STK32B: variants seen among roughly 807,000 people sequenced by gnomAD.
STK32B encodes serine/threonine kinase 32B.
STK32B carries 43 observed loss-of-function variants against 52.6 expected under a neutral mutation model. The ratio of observed to expected loss-of-function variants is 0.82; its 90% CI spans 0.64 to 1.05. STK32B has a LOEUF of 1.05. Ranked by LOEUF, STK32B falls within the 50% of genes least tolerant of loss-of-function variation. The pLI, the probability that STK32B is intolerant of heterozygous loss-of-function variation, is 0.00. For synonymous variants in STK32B, 238 were observed against 204.3 expected (o/e 1.17, Z -1.41); for missense variants, 621 against 534.6 (o/e 1.16, Z -1.59).
At chr4:5,462,495 T>G (rs1226133652) in intron 9 of STK32B, among the ~76,000 whole-genome samples, 1 of 152,062 alleles carries the variant, frequency 6.6e-6, no homozygotes, top group Non-Finnish European at 1.5e-5. Context: ...GCAGTCTGCA[T>G]CCCATTTCCC....
intron 3 of STK32B, among the ~76,000 whole-genome samples, chr4:5,175,810 C>G (rs1368361082): frequency 6.6e-6 from 1 of 152,214 alleles, no homozygotes; most frequent in African/African-American, 2.4e-5. Flanking sequence ...GCTGGGAGAA[C>G]CACTACTCTG....
intron 6 of STK32B, among the ~76,000 whole-genome samples, chr4:5,437,365 T>C (rs1714177091): frequency 1.3e-5 from 2 of 152,244 alleles, no homozygotes; most frequent in South Asian, 4.1e-4. Context: ...GGATTCTTTC[T>C]GCCTCTTTGA....
At chr4:5,198,933 G>A (rs545938033) in intron 3 of STK32B, among the ~76,000 whole-genome samples, 21 of 149,962 alleles carry the variant, frequency 1.4e-4, no homozygotes, top group Non-Finnish European at 2.5e-4. Context: ...TCCTAATTAT[G>A]TACTTTTGTA....
At chr4:5,252,142 A>T (rs1309705662) in intron 3 of STK32B, among the ~76,000 whole-genome samples, 1 of 152,218 alleles carries the variant, frequency 6.6e-6, no homozygotes, top group African/African-American at 2.4e-5. Context: ...AAATTTAAAA[A>T]GAGTAGTTTC....
Position 5,456,787 on chromosome 4 carries a change from CTGT to C in STK32B, c.667-15_667-13del, listed in dbSNP as rs765589104. 1.0e-5 allele frequency: 16 copies of C among 1,549,132 alleles called. No homozygotes were observed. The highest frequency in any genetic ancestry group is 9.1e-5 in the Admixed American group (5 of 55,028). Reference sequence around the variant, plus strand: ...CCAATGGCTCTCTCTCTGATTCTGGCTGTTGTTCTTTGATTGCAGAGGCCGTAC... The same window carrying C: ...CCAATGGCTCTCTCTCTGATTCTGGCTGTTCTTTGATTGCAGAGGCCGTAC... On this transcript the variant is annotated splice_polypyrimidine_tract_variant and intron_variant, in intron 7 of 11. Transcript: ENST00000282908.
At chr4:5,274,484 G>A (rs985397142) in intron 3 of STK32B, among the ~76,000 whole-genome samples, 1 of 151,560 alleles carries the variant, frequency 6.6e-6, no homozygotes, top group South Asian at 2.1e-4. Flanking sequence ...GCCTAACTGG[G>A]AAGGTGACCA....
At chr4:5,475,904 A>T (rs1370533348) in intron 11 of STK32B, among the ~76,000 whole-genome samples, 2 of 151,830 alleles carry the variant, frequency 1.3e-5, no homozygotes, top group African/African-American at 2.4e-5. Flanking sequence ...TTGTTTTTTT[A>T]AATTTTTTTG....
intron 11 of STK32B, among the ~76,000 whole-genome samples, chr4:5,484,988 G>A (rs185009570): frequency 1.5e-3 from 224 of 152,212 alleles, no homozygotes; most frequent in African/African-American, 5.1e-3. Flanking sequence ...CCCTTTGTGG[G>A]TAACCCGACC....
intron 6 of STK32B, chr4:5,436,756 A>G (rs1714117509): frequency 1.2e-6 from 1 of 837,628 alleles, no homozygotes; most frequent in South Asian, 5.4e-5. Flanking sequence ...GTCAGGACCA[A>G]GAATTCTAGA....
chr4:5,091,838 G>T (rs1713094852), intron 1 of STK32B, among the ~76,000 whole-genome samples: 1 of 152,192 alleles, frequency 6.6e-6, no homozygotes. Flanking sequence ...ACATAATGTG[G>T]TGTATCCTTA....
At chr4:5,080,628 C>G (rs1712360064) in intron 1 of STK32B, among the ~76,000 whole-genome samples, 1 of 152,060 alleles carries the variant, frequency 6.6e-6, no homozygotes, top group African/African-American at 2.4e-5. Flanking sequence ...TATTATAAGG[C>G]AGATATTTTT....
upstream of STK32B, among the ~76,000 whole-genome samples, chr4:5,050,743 G>A (rs1318104870): frequency 6.6e-6 from 1 of 152,156 alleles, no homozygotes; most frequent in Non-Finnish European, 1.5e-5. Context: ...CACACGTCTT[G>A]GGGCGCATCT....
intron 5 of STK32B, among the ~76,000 whole-genome samples, chr4:5,410,938 C>T (rs4689215): frequency 0.42 from 64,293 of 151,806 alleles, 14,767 homozygotes; most frequent in African/African-American, 0.6. Context: ...CTTGTAGTTG[C>T]GTCCTCTCAT....
intron 4 of STK32B, among the ~76,000 whole-genome samples, chr4:5,337,332 A>C (rs1222205175): frequency 6.6e-6 from 1 of 152,106 alleles, no homozygotes; most frequent in African/African-American, 2.4e-5. Context: ...CAGACACGCT[A>C]TTCAACCATG....
chr4:5,237,447 C>G (rs528324484), intron 3 of STK32B, among the ~76,000 whole-genome samples: 1 of 152,138 alleles, frequency 6.6e-6, no homozygotes, highest in African/African-American at 2.4e-5. Flanking sequence ...TTTTCATACT[C>G]GGGAGATTAA....
At chr4:5,312,943 C>T (rs966787225) in intron 3 of STK32B, among the ~76,000 whole-genome samples, 12 of 152,018 alleles carry the variant, frequency 7.9e-5, no homozygotes, top group Admixed American at 2.6e-4. Flanking sequence ...CATATCCTCT[C>T]CAGCACCTGT....
chr4:5,433,562 G>A (rs1031855152), intron 6 of STK32B, among the ~76,000 whole-genome samples: 1 of 152,160 alleles, frequency 6.6e-6, no homozygotes, highest in African/African-American at 2.4e-5. Context: ...TTCGGACTTG[G>A]CTTCCTTGTC....
At chr4:5,041,220 C>G in the STK32B span, among the ~76,000 whole-genome samples, 1 of 152,126 alleles carries the variant, frequency 6.6e-6, no homozygotes, top group Non-Finnish European at 1.5e-5. Flanking sequence ...TTTTGACTCT[C>G]TTCCTATAAA....
intron 3 of STK32B, among the ~76,000 whole-genome samples, chr4:5,254,239 G>A (rs1371015977): frequency 6.6e-6 from 1 of 152,044 alleles, no homozygotes; most frequent in African/African-American, 2.4e-5. Context: ...GCTCTGTAAT[G>A]TCCCCTTTTC....
Sources: allele counts gnomAD v4.1 joint callset (sites outside exome capture counted in the v4.1 genomes callset), GRCh38; gene constraint gnomAD v4.1.1; transcripts MANE v1.5; gene names NCBI Gene and HGNC (gene_info 2026-07-23, HGNC 2026-07-21).